ABCA8: variants seen among roughly 807,000 people sequenced by gnomAD.
ABCA8 encodes the protein ABC-type organic anion transporter ABCA8.
Under a neutral mutation model 192.3 loss-of-function variants are expected in ABCA8, and 177 were observed. The observed-to-expected ratio is 0.92, with a 90% CI of 0.81 to 1.04. The LOEUF is 1.04. ABCA8 is among the 50% of genes least tolerant of loss of function. The pLI, the probability that ABCA8 is intolerant of heterozygous loss-of-function variation, is 0.00. For synonymous variants in ABCA8, 642 were observed against 690.2 expected, an observed-to-expected ratio of 0.93 and a Z score of 1.09; for missense variants, 1,915 against 1,904.8, an observed-to-expected ratio of 1.01 and a Z score of -0.10.
intron 2 of ABCA8, 82 bp from the exon 3 acceptor site, chr17:68,942,121 G>A (rs1019443845): frequency 3.1e-5 from 30 of 969,496 alleles, no homozygotes; most frequent in South Asian, 9.1e-5. Context: ...ACAAAAAAAC[G>A]TAGCCTAATA....
chr17:68,929,746 TGAAAAG>T lies in ABCA8; in HGVS notation c.798-50_798-45del, dbSNP rs571015346. The T allele has an allele frequency of 5.6e-4, 864 of 1,536,942 alleles. 3 individuals carry two copies. The African/African-American group carries it at 0.01, about 18-fold the overall frequency. On this transcript the variant is annotated intron_variant, in intron 7 of 39. Transcript: ENST00000586539. The stretch of plus-strand genomic sequence containing the variant: ...GTTATTTTAGTATTTTATGTTCACT[TGAAAAG>T]GAAGACCTGAAATGGATTCTAAGAT...
At chr17:68,882,804 T>A in intron 29 of ABCA8, 85 bp from the exon 30 acceptor site, 2 of 1,318,158 alleles carry the variant, frequency 1.5e-6, no homozygotes, top group Non-Finnish European at 2.1e-6. Context: ...TATGTTTGAG[T>A]AGTACGAGCA....
At chr17:68,940,104 T>C (rs2068183597) in intron 4 of ABCA8, among the ~76,000 whole-genome samples, 1 of 152,160 alleles carries the variant, frequency 6.6e-6, no homozygotes, top group Non-Finnish European at 1.5e-5. Context: ...AGAGCATTGT[T>C]GTAAAAATGA....
At position 68,928,066 on chromosome 17, in the gene ABCA8, G is replaced by A; in HGVS notation, c.1126-3C>T. The A allele has an allele frequency of 6.4e-7, 1 of 1,573,336 alleles. No individual in the cohort carries two copies. The highest frequency in any genetic ancestry group is 8.6e-7 in the Non-Finnish European group (1 of 1,162,688). ...AAATCATAGTCCAAGTGTAAAAGCT[G>A]AAAATTAAAAAGTAATTAATTAAGG... On this transcript the variant is annotated splice_region_variant and splice_polypyrimidine_tract_variant and intron_variant, in intron 9 of 39. Transcript: ENST00000586539.
At chr17:68,942,353 C>G (rs778447687) in intron 2 of ABCA8, among the ~76,000 whole-genome samples, 1 of 152,316 alleles carries the variant, frequency 6.6e-6, no homozygotes, top group East Asian at 1.9e-4. Context: ...CCTTTGCCAG[C>G]TGGCATGATG....
At chr17:68,872,617 A>G (rs1417036728) in intron 37 of ABCA8, among the ~76,000 whole-genome samples, 1 of 151,834 alleles carries the variant, frequency 6.6e-6, no homozygotes, top group African/African-American at 2.4e-5. Flanking sequence ...AAAATAAAAA[A>G]AAAGAAGAAG....
chr17:68,948,029 A>G (rs1319822860), intron 2 of ABCA8, among the ~76,000 whole-genome samples: 2 of 152,090 alleles, frequency 1.3e-5, no homozygotes, highest in African/African-American at 2.4e-5. Context: ...GTTTGCTGAG[A>G]ATGATGGCTT....
chr17:68,920,242 G>A (rs760844060), intron 13 of ABCA8, among the ~76,000 whole-genome samples: 1 of 152,040 alleles, frequency 6.6e-6, no homozygotes, highest in African/African-American at 2.4e-5. Context: ...AGACACTGGG[G>A]TCTACTTGAT....
chr17:68,947,092 A>G (rs1412260310), intron 2 of ABCA8, among the ~76,000 whole-genome samples: 1 of 152,210 alleles, frequency 6.6e-6, no homozygotes. Flanking sequence ...CATATTGGAA[A>G]CATTTTGACA....
At chr17:68,938,303 T>C (rs1264040296) in intron 4 of ABCA8, among the ~76,000 whole-genome samples, 2 of 152,088 alleles carry the variant, frequency 1.3e-5, no homozygotes, top group African/African-American at 2.4e-5. Flanking sequence ...ACTCTGGCCA[T>C]AGACAGTCCA....
intron 2 of ABCA8, 67 bp from the exon 3 acceptor site, chr17:68,942,106 A>C: frequency 8.4e-7 from 1 of 1,184,526 alleles, no homozygotes; most frequent in Non-Finnish European, 1.2e-6. Flanking sequence ...AATATCCTGC[A>C]AACAACAAAA....
rs1220502284 is a variant in ABCA8, at chr17:68,918,427, C to G, written c.1908G>C (p.Gln636His). The change falls in exon 15 of 40, where the codon CAG becomes CAC. Residue 636 changes from glutamine to histidine, a missense_variant and splice_region_variant. Gln to His is a conservative substitution (Grantham distance 24). Coordinates refer to ENST00000586539, the MANE Select transcript of ABCA8 (RefSeq NM_001288985.2). ...CACCTGCAAATTCAATGTGACTCAC[C>G]TGAGGATCTCCTAAAATGGCAATCC... ...TFGIAILGDP[Q>H]IFLLDEPTAG... 12 of 1,572,196 alleles carry G rather than the reference C, an allele frequency of 7.6e-6. No individual in the cohort carries two copies. The highest frequency in any genetic ancestry group is 1.0e-5 in the Non-Finnish European group (12 of 1,163,364).
intron 17 of ABCA8, 138 bp downstream of exon 17, chr17:68,917,223 A>T (rs1054851598): frequency 1.2e-4 from 65 of 529,668 alleles, no homozygotes; most frequent in Non-Finnish European, 7.9e-5. Flanking sequence ...GTGAGCCGAG[A>T]TGATCGATAC....
intron 1 of ABCA8, among the ~76,000 whole-genome samples, chr17:68,950,478 A>G (rs2068539892): frequency 6.6e-6 from 1 of 152,192 alleles, no homozygotes; most frequent in Admixed American, 6.5e-5. Flanking sequence ...AAATATCTAT[A>G]ACTAAAAATA....
rs1014946131 is a variant in ABCA8, at chr17:68,881,359, C to T, written c.3947-148G>A. ...CCCTGAGAAGTTGTTATTTTAGCCC[C>T]TTCTTATGTAGTTGGGGCAGAAGCT... On this transcript the variant is annotated intron_variant, in intron 31 of 39. Transcript: ENST00000586539. The T allele has an allele frequency of 2.7e-5, 17 of 633,336 alleles. No homozygotes were observed. The East Asian group carries it at 4.4e-4, about 17-fold the overall frequency. 39.2% of individuals were successfully genotyped at this position (633,336 alleles called of 1,614,324 possible).
chr17:68,901,729 A>G (rs755072505), intron 21 of ABCA8, among the ~76,000 whole-genome samples: 1 of 151,412 alleles, frequency 6.6e-6, no homozygotes, highest in Non-Finnish European at 1.5e-5. Flanking sequence ...AATCGCTTGA[A>G]TCTGGGAGGC....
chr17:68,867,898 G>C lies in ABCA8; in HGVS notation c.*187C>G. 1.8e-6 allele frequency: 1 copy of C among 542,654 alleles called. No homozygotes were observed. The highest frequency in any genetic ancestry group is 3.3e-6 in the Non-Finnish European group (1 of 306,766). 33.6% of individuals were successfully genotyped at this position (542,654 alleles called of 1,614,324 possible). On this transcript the variant is annotated 3_prime_UTR_variant, in exon 40 of 40. Transcript: ENST00000586539. ...ATACAGAGGCTGTGAGAGGAGGTTGGCTTAGTCAAATGCCTCTGTCCACAC... is the reference window on the plus strand; with the variant it reads ...ATACAGAGGCTGTGAGAGGAGGTTGCCTTAGTCAAATGCCTCTGTCCACAC...
Position 68,912,409 on chromosome 17 carries a change from C to T in ABCA8, c.2139-4530G>A, listed in dbSNP as rs1180521757. 2.6e-5 allele frequency among the ~76,000 whole-genome samples: 4 copies of T among 151,418 alleles called. No homozygotes were observed. The East Asian group carries it at 7.7e-4, about 29-fold the overall frequency. Reference sequence around the variant, plus strand: ...GAAAATACTCAGAAGAGACAAAACACAAAAGAATTGAAAAAGAATGAAGCA... The same window carrying T: ...GAAAATACTCAGAAGAGACAAAACATAAAAGAATTGAAAAAGAATGAAGCA... On this transcript the variant is annotated intron_variant, in intron 17 of 39. Transcript: ENST00000586539.
intron 17 of ABCA8, among the ~76,000 whole-genome samples, chr17:68,909,251 T>C (rs1197698006): frequency 1.3e-5 from 2 of 152,150 alleles, no homozygotes; most frequent in African/African-American, 2.4e-5. Context: ...GTGTACTAGA[T>C]AGTAAATTTT....
Sources: allele counts gnomAD v4.1 joint callset (sites outside exome capture counted in the v4.1 genomes callset), GRCh38; gene constraint gnomAD v4.1.1; transcripts MANE v1.5; gene names NCBI Gene and HGNC (gene_info 2026-07-23, HGNC 2026-07-21).